ELMO1: variants seen among roughly 807,000 people sequenced by gnomAD.
ELMO1 encodes the protein engulfment and cell motility 1.
Under a neutral mutation model 98.9 loss-of-function variants are expected in ELMO1, and 26 were observed. That is an observed-to-expected ratio of 0.26 (90% CI 0.19 to 0.36). ELMO1 has a LOEUF of 0.36. ELMO1 is among the 10% of genes least tolerant of loss of function. The probability of loss-of-function intolerance (pLI) is 1.00; values close to 1 mark genes in which losing one functional copy is unlikely to be tolerated. For synonymous variants in ELMO1, 346 were observed against 346.0 expected, an observed-to-expected ratio of 1.00 and a Z score of 0.00; for missense variants, 627 against 935.2, an observed-to-expected ratio of 0.67 and a Z score of 4.30.
chr7:37,012,158 C>T (rs1434306527), intron 16 of ELMO1, among the ~76,000 whole-genome samples: 1 of 152,188 alleles, frequency 6.6e-6, no homozygotes, highest in Non-Finnish European at 1.5e-5. Context: ...AGTGAGATCA[C>T]TGTGCTGAGG....
intron 13 of ELMO1, among the ~76,000 whole-genome samples, chr7:37,173,940 C>T (rs1790346893): frequency 6.6e-6 from 1 of 152,142 alleles, no homozygotes; most frequent in Admixed American, 6.5e-5. Context: ...CACATCAGCC[C>T]ATCTTCTGGT....
At chr7:37,027,798 T>C (rs762385524) in intron 15 of ELMO1, among the ~76,000 whole-genome samples, 1 of 151,700 alleles carries the variant, frequency 6.6e-6, no homozygotes, top group Non-Finnish European at 1.5e-5. Flanking sequence ...TGATAACAAT[T>C]TAGGAAAAGG....
chr7:37,220,959 G>A (rs2130520287), intron 10 of ELMO1, among the ~76,000 whole-genome samples: 1 of 152,186 alleles, frequency 6.6e-6, no homozygotes, highest in East Asian at 1.9e-4. Context: ...CCCAAGTCAA[G>A]CTTGGGTATG....
chr7:37,048,518 C>T (rs1004787853), intron 15 of ELMO1, among the ~76,000 whole-genome samples: 1 of 152,162 alleles, frequency 6.6e-6, no homozygotes, highest in Non-Finnish European at 1.5e-5. Context: ...CTCCTTGGTA[C>T]CAGAGAGTAG....
chr7:37,334,997 A>T (rs2131219236), intron 2 of ELMO1, among the ~76,000 whole-genome samples: 1 of 152,342 alleles, frequency 6.6e-6, no homozygotes, highest in Middle Eastern at 3.4e-3. Flanking sequence ...TTGTACACAC[A>T]CAGTAACGGA....
At chr7:37,076,779 G>A (rs1364115421) in intron 15 of ELMO1, among the ~76,000 whole-genome samples, 2 of 152,150 alleles carry the variant, frequency 1.3e-5, no homozygotes, top group Non-Finnish European at 2.9e-5. Context: ...CATCCTGAGG[G>A]TGCACAACGC....
intron 16 of ELMO1, among the ~76,000 whole-genome samples, chr7:36,935,465 T>G (rs1786446821): frequency 6.6e-6 from 1 of 152,198 alleles, no homozygotes; most frequent in South Asian, 2.1e-4. Flanking sequence ...AGCAGCTCTG[T>G]TTTTTGTTGC....
At chr7:36,949,475 T>G (rs986611593) in intron 16 of ELMO1, among the ~76,000 whole-genome samples, 3 of 151,974 alleles carry the variant, frequency 2.0e-5, no homozygotes, top group African/African-American at 7.3e-5. Flanking sequence ...ACACCCTCTC[T>G]CGGTGGCAGA....
intron 16 of ELMO1, among the ~76,000 whole-genome samples, chr7:36,949,460 T>C (rs1182766426): frequency 6.6e-6 from 1 of 151,818 alleles, no homozygotes; most frequent in Non-Finnish European, 1.5e-5. Flanking sequence ...TCAATGTGCA[T>C]GGCCACACCC....
chr7:37,202,547 G>C (rs1018378462), intron 13 of ELMO1, among the ~76,000 whole-genome samples: 10 of 152,166 alleles, frequency 6.6e-5, no homozygotes, highest in Non-Finnish European at 1.2e-4. Flanking sequence ...GAATTCACCA[G>C]GTTTTGGGGA....
rs1800790141 is a variant in ELMO1 at position 37,342,807 on chromosome 7, AGATGCAGG to A, written c.-73-52_-73-45del. 1.1e-6 allele frequency: 1 copy of A among 942,130 alleles called. No homozygotes were observed. Among genetic ancestry groups the A allele is most frequent in the African/African-American group, 1.7e-5 (1 of 59,004 alleles). The allele number at this position is 942,130 out of a possible 1,614,324, so 58.4% of individuals were successfully genotyped here. On this transcript the variant is annotated intron_variant, in intron 1 of 21. Coordinates refer to ENST00000310758, the MANE Select transcript of ELMO1 (RefSeq NM_014800.11). This position sits in a 1 kb window ranked among gnomAD's most constrained non-coding sequence, Gnocchi z 4.3. ...AAAAGAAAGAGAAGTCACTCAGTGCAGATGCAGGGTGAATTTTGCTTCATCACTTCCTG... is the reference window on the plus strand; with the variant it reads ...AAAAGAAAGAGAAGTCACTCAGTGCAGTGAATTTTGCTTCATCACTTCCTG...
intron 6 of ELMO1, among the ~76,000 whole-genome samples, chr7:37,245,731 G>A (rs12531092): frequency 0.044 from 6,671 of 152,044 alleles, 342 homozygotes; most frequent in African/African-American, 0.12. Context: ...GAAGTGGCTC[G>A]TATTAGGGGT....
At chr7:37,118,465 G>T (rs1394233788) in intron 14 of ELMO1, among the ~76,000 whole-genome samples, 1 of 152,144 alleles carries the variant, frequency 6.6e-6, no homozygotes. Context: ...TTCATTCTCA[G>T]CCAGGGAATA....
chr7:37,053,870 T>G (rs1397758051), intron 15 of ELMO1, among the ~76,000 whole-genome samples: 1 of 152,226 alleles, frequency 6.6e-6, no homozygotes, highest in Non-Finnish European at 1.5e-5. Context: ...TCTACAGAAT[T>G]ATATCAAATT....
intron 16 of ELMO1, among the ~76,000 whole-genome samples, chr7:36,966,648 T>A (rs1259652750): frequency 1.3e-5 from 2 of 152,224 alleles, no homozygotes; most frequent in East Asian, 3.8e-4. Flanking sequence ...TTTTCCTCCA[T>A]GTATGATTAG....
At chr7:37,227,337 T>C (rs1325536120) in intron 8 of ELMO1, among the ~76,000 whole-genome samples, 3 of 152,226 alleles carry the variant, frequency 2.0e-5, no homozygotes, top group African/African-American at 7.2e-5. Flanking sequence ...CTTTTTACAA[T>C]ATTTCCTTTC....
chr7:37,024,153 ATCTAAC>A (rs911816626), intron 15 of ELMO1, among the ~76,000 whole-genome samples: 21 of 151,978 alleles, frequency 1.4e-4, no homozygotes, highest in African/African-American at 4.4e-4. Context: ...CCATCCATCC[ATCTAAC>A]TAGCAAGACG....
intron 8 of ELMO1, among the ~76,000 whole-genome samples, 200 bp from the exon 9 acceptor site, chr7:37,225,230 T>C (rs780713831): frequency 6.6e-6 from 1 of 152,182 alleles, no homozygotes; most frequent in Non-Finnish European, 1.5e-5. Flanking sequence ...ATTTATCTCA[T>C]CTCTATAATT....
At chr7:37,270,527 A>G (rs1344705609) in intron 5 of ELMO1, 2 of 152,242 alleles carry the variant, frequency 1.3e-5, no homozygotes, top group African/African-American at 4.8e-5. Flanking sequence ...AGTTAGACAC[A>G]GTTTTCATCA....
Sources: allele counts gnomAD v4.1 joint callset (sites outside exome capture counted in the v4.1 genomes callset), GRCh38; gene constraint gnomAD v4.1.1; non-coding constraint Gnocchi (gnomAD v3.1); transcripts MANE v1.5; gene names NCBI Gene and HGNC (gene_info 2026-07-23, HGNC 2026-07-21).